Variants in SLC25A26 observed in about 807,000 individuals in gnomAD.
SLC25A26 encodes solute carrier family 25 member 26.
A neutral mutation model predicts 37.8 loss-of-function variants in SLC25A26; 36 were observed. The observed-to-expected ratio is 0.95, with a 90% confidence interval of 0.73 to 1.26. The LOEUF (loss-of-function observed/expected upper bound fraction) is 1.26. Among genes scored for constraint, SLC25A26 ranks in the 50% most tolerant of loss-of-function variants. The pLI, the probability that SLC25A26 is intolerant of heterozygous loss-of-function variation, is 0.00. For missense variants in SLC25A26, 390 were observed against 331.1 expected (o/e 1.18, Z -1.38); for synonymous variants, 129 against 122.5 (o/e 1.05, Z -0.35).
intron 5 of SLC25A26, among the ~76,000 whole-genome samples, chr3:66,313,933 G>A (rs573515132): frequency 1.5e-4 from 23 of 152,200 alleles, no homozygotes; most frequent in African/African-American, 5.1e-4. Context: ...CCTGTAGTTC[G>A]TGTATAGGAA....
At position 66,362,909 on chromosome 3, in the gene SLC25A26, C is replaced by T; in HGVS notation, c.548C>T (p.Ala183Val). 5 of 1,607,814 alleles carry T rather than the reference C, an allele frequency of 3.1e-6. No homozygotes were observed. The highest frequency in any genetic ancestry group is 4.2e-6 in the Non-Finnish European group (5 of 1,176,810). The change falls in exon 7 of 10, where the codon GCA becomes GTA. Residue 183 changes from alanine to valine, a missense_variant. Ala to Val is a moderately conservative substitution (Grantham distance 64, BLOSUM62 0). Coordinates refer to ENST00000354883, the MANE Select transcript of SLC25A26 (RefSeq NM_001379210.1). ...QDHVVDSWQS[A>V]VCGAFAGGFA... ...CATGTGGTGGATTCTTGGCAGTCAGCAGTCTGTGGAGCTTTTGCAGGTGCA... is the reference window on the plus strand; with the variant it reads ...CATGTGGTGGATTCTTGGCAGTCAGTAGTCTGTGGAGCTTTTGCAGGTGCA...
At chr3:66,317,605 C>A (rs2075574825) in intron 5 of SLC25A26, among the ~76,000 whole-genome samples, 1 of 152,168 alleles carries the variant, frequency 6.6e-6, no homozygotes, top group Non-Finnish European at 1.5e-5. Flanking sequence ...GATCAGGGAC[C>A]CACTTAAATA....
chr3:66,204,441 A>AAAAAAAAAAAAAAAG (rs2071150607), intron 1 of SLC25A26, among the ~76,000 whole-genome samples: 2 of 89,376 alleles, frequency 2.2e-5, no homozygotes, highest in Admixed American at 1.5e-4. Flanking sequence ...AAAAAAAAAG[A>AAAAAAAAAAAAAAAG]AAAAAAGAAA....
intron 5 of SLC25A26, among the ~76,000 whole-genome samples, chr3:66,263,656 G>A (rs1275986639): frequency 7.6e-6 from 1 of 132,128 alleles, no homozygotes; most frequent in African/African-American, 3.0e-5. Flanking sequence ...TATAGTTGAA[G>A]TATTTTTTGT....
chr3:66,373,968 C>A (rs981314215), intron 9 of SLC25A26, among the ~76,000 whole-genome samples: 1 of 151,238 alleles, frequency 6.6e-6, no homozygotes, highest in Admixed American at 6.6e-5. Context: ...CGTCTTCCTG[C>A]CATGTTTCTC....
chr3:66,308,722 TTTAGCATGAAGGGGTGG>T (rs1234533934), intron 5 of SLC25A26, among the ~76,000 whole-genome samples: 2 of 152,228 alleles, frequency 1.3e-5, no homozygotes, highest in African/African-American at 2.4e-5. Flanking sequence ...ATTGGGTGTT[TTTAGCATGAAGGGGTGG>T]TTAGCATGAA....
rs950244064 is a variant in SLC25A26, at chr3:66,198,248, A to G, written c.-353-22494A>G. On this transcript the variant is annotated intron_variant, in intron 1 of 10. Transcript: ENST00000676754. ...GAGGTTCTGGGCACAGTCAGGGTCA[A>G]GTTGACCCCTCAAACTTAACCTGAC... 4.6e-5 allele frequency among the ~76,000 whole-genome samples: 7 copies of G among 152,182 alleles called. No homozygotes were observed. The East Asian group carries it at 1.4e-3, about 30-fold the overall frequency.
At chr3:66,340,681 C>G (rs1422540577) in intron 5 of SLC25A26, among the ~76,000 whole-genome samples, 1 of 151,938 alleles carries the variant, frequency 6.6e-6, no homozygotes, top group Admixed American at 6.6e-5. Context: ...TGAACACTCT[C>G]CTCTGTTTCA....
intron 1 of SLC25A26, among the ~76,000 whole-genome samples, chr3:66,151,518 T>A (rs530177578): frequency 6.6e-6 from 1 of 152,310 alleles, no homozygotes; most frequent in African/African-American, 2.4e-5. Context: ...TGTAATGTGT[T>A]ACACAGCCTG....
chr3:66,205,293 T>C (rs2071162572), intron 1 of SLC25A26, among the ~76,000 whole-genome samples: 1 of 152,158 alleles, frequency 6.6e-6, no homozygotes, highest in Non-Finnish European at 1.5e-5. Context: ...AAATAACAAA[T>C]AAATGAATTA....
At chr3:66,189,966 A>G (rs2070905455) in intron 1 of SLC25A26, among the ~76,000 whole-genome samples, 1 of 151,968 alleles carries the variant, frequency 6.6e-6, no homozygotes, top group Non-Finnish European at 1.5e-5. Context: ...CACCCAGCCT[A>G]CTGTATTTTT....
At chr3:66,151,963 G>A (rs1197911009) in intron 1 of SLC25A26, among the ~76,000 whole-genome samples, 1 of 152,192 alleles carries the variant, frequency 6.6e-6, no homozygotes, top group East Asian at 1.9e-4. Context: ...TTTGTAGAAT[G>A]AGTGAAAGAA....
chr3:66,225,030 G>A (rs941258468), intron 1 of SLC25A26, among the ~76,000 whole-genome samples: 14 of 152,154 alleles, frequency 9.2e-5, no homozygotes, highest in Admixed American at 9.2e-4. Context: ...TCATGGGCTG[G>A]CATTCAGTGT....
At chr3:66,316,098 C>T (rs1303565968) in intron 5 of SLC25A26, among the ~76,000 whole-genome samples, 1 of 152,152 alleles carries the variant, frequency 6.6e-6, no homozygotes, top group Non-Finnish European at 1.5e-5. Flanking sequence ...TAATTGGGGG[C>T]ATTTGCCCAT....
chr3:66,185,038 G>A lies in SLC25A26; in HGVS notation c.-353-35704G>A, dbSNP rs891370263. Among the ~76,000 whole-genome samples, 18 of 152,132 alleles carry A rather than the reference G, an allele frequency of 1.2e-4. 1 individual carries two copies. The highest frequency in any genetic ancestry group is 1.6e-4 in the Non-Finnish European group (11 of 68,020). On this transcript the variant is annotated intron_variant, in intron 1 of 10. Transcript: ENST00000676754. ...GTTCAGTGGCACTAAGTACATTCAC[G>A]TTGTTGTGCAACCAATCTCCAGAAC... is the stretch of plus-strand genomic sequence containing the variant.
intron 3 of SLC25A26, among the ~76,000 whole-genome samples, chr3:66,256,177 A>AT (rs1482492019): frequency 2.0e-5 from 3 of 151,784 alleles, no homozygotes; most frequent in Admixed American, 6.6e-5. Context: ...TTATTTATTT[A>AT]TTTTCAGTTC....
At chr3:66,154,258 G>A (rs760427614) in intron 1 of SLC25A26, among the ~76,000 whole-genome samples, 2 of 152,174 alleles carry the variant, frequency 1.3e-5, no homozygotes, top group South Asian at 4.1e-4. Flanking sequence ...GACCCACACT[G>A]TAGTAGCTTC....
At chr3:66,345,050 G>T (rs941717324) in intron 5 of SLC25A26, among the ~76,000 whole-genome samples, 9 of 152,188 alleles carry the variant, frequency 5.9e-5, no homozygotes, top group African/African-American at 2.2e-4. Context: ...TATTTGCAGA[G>T]TACCTGGCAC....
chr3:66,248,474 A>G (rs1291708426), intron 3 of SLC25A26, among the ~76,000 whole-genome samples: 1 of 152,218 alleles, frequency 6.6e-6, no homozygotes, highest in Non-Finnish European at 1.5e-5. Flanking sequence ...AACGGTACAT[A>G]TGCTATAACA....
Sources: allele counts gnomAD v4.1 joint callset (sites outside exome capture counted in the v4.1 genomes callset), GRCh38; gene constraint gnomAD v4.1.1; transcripts MANE v1.5; gene names NCBI Gene and HGNC (gene_info 2026-07-23, HGNC 2026-07-21).